TC2N: variants seen among roughly 807,000 people sequenced by gnomAD.
TC2N encodes tandem C2 domains, nuclear, also known as tandem C2 domains nuclear protein.
TC2N carries 51 observed loss-of-function variants against 61.9 expected under a neutral mutation model. The observed-to-expected ratio is 0.82, with a 90% CI of 0.66 to 1.04. The LOEUF is 1.04. TC2N is among the 50% of genes least tolerant of loss of function. The pLI is 0.00. For synonymous variants in TC2N, 204 were observed against 192.6 expected, an observed-to-expected ratio of 1.06 and a Z score of -0.49; for missense variants, 556 against 566.7, an observed-to-expected ratio of 0.98 and a Z score of 0.19.
intron 1 of TC2N, among the ~76,000 whole-genome samples, chr14:91,822,889 T>G (rs898801664): frequency 6.6e-6 from 1 of 151,774 alleles, no homozygotes; most frequent in Admixed American, 6.6e-5. Flanking sequence ...TAATTTTTTG[T>G]ATTTTTTAGT....
chr14:91,799,033 C>G lies in TC2N; in HGVS notation c.593G>C (p.Ser198Thr), dbSNP rs367718278. ...RHDSLSSVPS[S>T]SSSRKNSQGS... ...CTGAGAATTTTTCCTTGAAGAAGAACTACTGGGTACACTGGACAATGAATC... is the reference window on the plus strand; with the variant it reads ...CTGAGAATTTTTCCTTGAAGAAGAAGTACTGGGTACACTGGACAATGAATC... The change falls in exon 6 of 12, where the codon AGT becomes ACT. Residue 198 changes from serine to threonine, a missense_variant. Physicochemically the swap from Ser to Thr is moderately conservative, Grantham distance 58 (BLOSUM62 1). Coordinates refer to ENST00000435962, the MANE Select transcript of TC2N (RefSeq NM_001128596.3). 127 of 1,593,708 alleles carry G rather than the reference C, an allele frequency of 8.0e-5. No homozygotes were observed. The highest frequency in any genetic ancestry group is 1.0e-4 in the Non-Finnish European group (122 of 1,172,652).
At chr14:91,825,749 T>C (rs1887467548) in intron 1 of TC2N, among the ~76,000 whole-genome samples, 1 of 152,240 alleles carries the variant, frequency 6.6e-6, no homozygotes, top group South Asian at 2.1e-4. Flanking sequence ...TGCCTGCAGA[T>C]ACATGCCATA....
In TC2N at chr14:91,797,862, G is replaced by C. The variant is rs748088959; in HGVS notation, c.778C>G (p.Pro260Ala). 2.5e-6 allele frequency: 4 copies of C among 1,609,276 alleles called. No homozygotes were observed. The highest frequency in any genetic ancestry group is 3.4e-6 in the Non-Finnish European group (4 of 1,177,468). The change falls in exon 8 of 12, where the codon CCT (proline) becomes GCT (alanine). Residue 260 changes from proline (P) to alanine (A), a missense_variant. Transcript: ENST00000435962. ...LSWPSSYGDT[P>A]TVSIKGILTL... ...AGTATTCCTTTTATAGAAACAGTAGGAGTGTCTCCATAACTAGAGGGCCAA... is the reference window on the plus strand; with the variant it reads ...AGTATTCCTTTTATAGAAACAGTAGCAGTGTCTCCATAACTAGAGGGCCAA...
chr14:91,801,282 C>T (rs1312962486), intron 4 of TC2N, among the ~76,000 whole-genome samples: 2 of 152,070 alleles, frequency 1.3e-5, no homozygotes, highest in Non-Finnish European at 2.9e-5. Flanking sequence ...AAAAATATTA[C>T]TGTATTTAGT....
In TC2N at chr14:91,797,832, A is replaced by G. The variant is rs1885978668; in HGVS notation, c.808T>C (p.Leu270=). The G allele has an allele frequency of 1.2e-6, 2 of 1,611,552 alleles. No individual in the cohort carries two copies. The highest frequency in any genetic ancestry group is 4.5e-5 in the East Asian group (2 of 44,748). ...PTVSIKGILT[L]PKPVHFKSSA... ...GATTTGAAATGCACTGGTTTGGGCA[A>G]TGTAAGTATTCCTTTTATAGAAACA... Residue 270 remains leucine (L), a synonymous_variant, in exon 8 of 12, where the codon TTG becomes CTG. Transcript: ENST00000435962.
chr14:91,854,511 AGGAG>A (rs1888443976), intron 1 of TC2N, among the ~76,000 whole-genome samples: 2 of 38,452 alleles, frequency 5.2e-5, no homozygotes, highest in Non-Finnish European at 1.1e-4. Flanking sequence ...AAGGAGGTGG[AGGAG>A]GAGGAGGAGG....
chr14:91,836,973 G>A (rs1888050162), intron 1 of TC2N, among the ~76,000 whole-genome samples: 1 of 152,206 alleles, frequency 6.6e-6, no homozygotes, highest in African/African-American at 2.4e-5. Context: ...AGTCTATAAA[G>A]TCTTTGAGGA....
At chr14:91,852,875 T>A (rs1164484427) in intron 1 of TC2N, among the ~76,000 whole-genome samples, 2 of 151,850 alleles carry the variant, frequency 1.3e-5, no homozygotes, top group Non-Finnish European at 2.9e-5. Context: ...ATCGAGACCA[T>A]CCTGGCTAAC....
chr14:91,788,626 G>A (rs926634410), intron 9 of TC2N, among the ~76,000 whole-genome samples: 1 of 151,926 alleles, frequency 6.6e-6, no homozygotes, highest in Non-Finnish European at 1.5e-5. Context: ...AGCTCATTGG[G>A]AAAAACAACA....
intron 1 of TC2N, chr14:91,836,197 G>A (rs1484364729): frequency 1.3e-5 from 2 of 152,590 alleles, no homozygotes; most frequent in Non-Finnish European, 2.9e-5. Context: ...AGCCCGCAAG[G>A]CGGGGCCGCC....
intron 8 of TC2N, among the ~76,000 whole-genome samples, chr14:91,793,081 G>A (rs1322630955): frequency 2.6e-5 from 4 of 152,004 alleles, no homozygotes; most frequent in Non-Finnish European, 2.9e-5. Context: ...CACCCTTTCC[G>A]ATCTGAAAAT....
chr14:91,787,749 A>G (rs1885437129), intron 9 of TC2N, 122 bp from the exon 10 acceptor site: 1 of 600,740 alleles, frequency 1.7e-6, no homozygotes, highest in Admixed American at 3.2e-5. Context: ...TGATATTCAA[A>G]ACTATAAGTT....
chr14:91,855,390 G>A (rs1277587255), intron 1 of TC2N, among the ~76,000 whole-genome samples: 1 of 152,200 alleles, frequency 6.6e-6, no homozygotes, highest in Admixed American at 6.5e-5. Flanking sequence ...CTCTAGGGGA[G>A]AATCCTTCCC....
At chr14:91,810,616 C>T (rs948725412) in intron 3 of TC2N, among the ~76,000 whole-genome samples, 1 of 151,846 alleles carries the variant, frequency 6.6e-6, no homozygotes, top group African/African-American at 2.4e-5. Context: ...ATGCTGAAAT[C>T]ACCAGATAAA....
intron 1 of TC2N, among the ~76,000 whole-genome samples, chr14:91,826,151 C>A (rs1473429101): frequency 6.6e-6 from 1 of 151,878 alleles, no homozygotes; most frequent in Non-Finnish European, 1.5e-5. Flanking sequence ...AGACCCCTAT[C>A]TCTACAAAAA....
chr14:91,824,323 C>G (rs1887396153), intron 1 of TC2N, among the ~76,000 whole-genome samples: 1 of 152,194 alleles, frequency 6.6e-6, no homozygotes, highest in Non-Finnish European at 1.5e-5. Flanking sequence ...CTTTTAATAT[C>G]ACTTCCTTTT....
chr14:91,849,123 T>C (rs1888324387), intron 1 of TC2N, among the ~76,000 whole-genome samples: 1 of 152,210 alleles, frequency 6.6e-6, no homozygotes, highest in Admixed American at 6.5e-5. Context: ...GAATTAAGTG[T>C]AGGAGACTCA....
At chr14:91,800,879 C>A (rs1171887093) in intron 4 of TC2N, among the ~76,000 whole-genome samples, 1 of 151,826 alleles carries the variant, frequency 6.6e-6, no homozygotes, top group Non-Finnish European at 1.5e-5. Flanking sequence ...GTAAGGCAGG[C>A]CCTTAAATAA....
chr14:91,785,139 G>A, intron 11 of TC2N, 23 bp downstream of exon 11: 1 of 1,549,814 alleles, frequency 6.5e-7, no homozygotes, highest in Non-Finnish European at 8.9e-7. Context: ...AAAATATAAG[G>A]AAGGATAAAA....
Sources: allele counts gnomAD v4.1 joint callset (sites outside exome capture counted in the v4.1 genomes callset), GRCh38; gene constraint gnomAD v4.1.1; transcripts MANE v1.5; gene names NCBI Gene and HGNC (gene_info 2026-07-23, HGNC 2026-07-21).